The following ASTN2 variants were observed in gnomAD, a reference collection of about 807,000 sequenced individuals.
The protein encoded by ASTN2 is astrotactin 2, also known as astrotactin-2.
Under a neutral mutation model 139.8 loss-of-function variants are expected in ASTN2, and 54 were observed. That is an observed-to-expected ratio of 0.39 (90% CI 0.31 to 0.48). The LOEUF (loss-of-function observed/expected upper bound fraction) is 0.48, where lower values mean the gene tolerates loss of function less well. Among genes scored for constraint, ASTN2 ranks in the 20% least tolerant of loss-of-function variants. The probability of loss-of-function intolerance (pLI) is 0.95; values close to 1 mark genes in which losing one functional copy is unlikely to be tolerated. For synonymous variants in ASTN2, 756 were observed against 719.5 expected, an observed-to-expected ratio of 1.05 and a Z score of -0.81; for missense variants, 1,565 against 1,725.1, an observed-to-expected ratio of 0.91 and a Z score of 1.64.
intron 11 of ASTN2, among the ~76,000 whole-genome samples, chr9:116,833,763 G>T (rs1012335652): frequency 3.9e-5 from 6 of 152,020 alleles, no homozygotes; most frequent in Non-Finnish European, 8.8e-5. Flanking sequence ...GAAGATTTAT[G>T]TCCCCACAAA....
chr9:116,512,729 C>T (rs1295813968), intron 19 of ASTN2, among the ~76,000 whole-genome samples: 1 of 152,242 alleles, frequency 6.6e-6, no homozygotes, highest in South Asian at 2.1e-4. Context: ...GCTCTTCTTG[C>T]TGAATTGATC....
chr9:116,755,389 G>A (rs1829507615), intron 13 of ASTN2, among the ~76,000 whole-genome samples: 1 of 152,090 alleles, frequency 6.6e-6, no homozygotes, highest in African/African-American at 2.4e-5. Context: ...TCATTAAGAT[G>A]GGTCCTAATC....
At chr9:117,013,969 T>A (rs1403634309) in intron 6 of ASTN2, among the ~76,000 whole-genome samples, 1 of 152,170 alleles carries the variant, frequency 6.6e-6, no homozygotes, top group Non-Finnish European at 1.5e-5. Context: ...GATGTGTGGC[T>A]AAAAGATGGT....
intron 22 of ASTN2, among the ~76,000 whole-genome samples, chr9:116,439,947 A>G (rs954769966): frequency 5.3e-5 from 8 of 152,202 alleles, no homozygotes; most frequent in African/African-American, 1.9e-4. Flanking sequence ...CAGCCACCAC[A>G]TAAGAGGTGC....
chr9:116,816,726 G>A (rs1831339014), intron 12 of ASTN2, among the ~76,000 whole-genome samples: 1 of 151,888 alleles, frequency 6.6e-6, no homozygotes, highest in African/African-American at 2.4e-5. Flanking sequence ...GAGAGCCATG[G>A]GGCCTGTGCA....
rs762815981 is a variant in ASTN2, at chr9:116,698,986, A to C, written c.2806+26785T>G. On this transcript the variant is annotated intron_variant, in intron 16 of 22. Coordinates refer to ENST00000313400, the MANE Select transcript of ASTN2 (RefSeq NM_001365068.1). This position sits in a 1 kb window ranked among gnomAD's most constrained non-coding sequence, Gnocchi z 4.4. Reference sequence around the variant, plus strand: ...ATCCGCCGCAGCCCCAGTGGCATTGATAGCTTTGTGCTAAGCTTCCTTGGG... The same window carrying C: ...ATCCGCCGCAGCCCCAGTGGCATTGCTAGCTTTGTGCTAAGCTTCCTTGGG... The C allele has an allele frequency of 6.2e-7, 1 of 1,614,144 alleles. No individual in the cohort carries two copies. The highest frequency in any genetic ancestry group is 8.5e-7 in the Non-Finnish European group (1 of 1,180,014).
At chr9:116,458,448 G>T (rs889762015) in intron 20 of ASTN2, among the ~76,000 whole-genome samples, 2 of 151,576 alleles carry the variant, frequency 1.3e-5, no homozygotes, top group Non-Finnish European at 2.9e-5. Context: ...ATTACACATC[G>T]CATACTTGTA....
At chr9:117,049,950 A>G (rs1054216754) in intron 5 of ASTN2, among the ~76,000 whole-genome samples, 1 of 152,170 alleles carries the variant, frequency 6.6e-6, no homozygotes, top group Non-Finnish European at 1.5e-5. Context: ...AAGCTCTAGA[A>G]TGGCTCAGAA....
intron 3 of ASTN2, among the ~76,000 whole-genome samples, chr9:117,171,283 A>G (rs1030314712): frequency 6.6e-6 from 1 of 152,208 alleles, no homozygotes; most frequent in Non-Finnish European, 1.5e-5. Flanking sequence ...GTACAGGGTT[A>G]GTGTCATGTC....
intron 2 of ASTN2, among the ~76,000 whole-genome samples, chr9:117,224,046 A>G (rs887567707): frequency 6.6e-6 from 1 of 152,230 alleles, no homozygotes; most frequent in Non-Finnish European, 1.5e-5. Flanking sequence ...AGATCAGATT[A>G]GAACAGGGTC....
chr9:116,561,648 C>G (rs1852919186), intron 19 of ASTN2, among the ~76,000 whole-genome samples: 1 of 152,116 alleles, frequency 6.6e-6, no homozygotes, highest in African/African-American at 2.4e-5. Context: ...TCTAAAGGAG[C>G]CTGTTGGAGT....
intron 19 of ASTN2, among the ~76,000 whole-genome samples, chr9:116,614,403 C>T (rs541187488): frequency 8.5e-5 from 13 of 152,196 alleles, no homozygotes; most frequent in African/African-American, 2.6e-4. Context: ...AAAAAAGAGC[C>T]CACATTGCCA....
At chr9:116,686,805 T>C (rs1267902295) in intron 16 of ASTN2, 20 of 1,550,536 alleles carry the variant, frequency 1.3e-5, no homozygotes, top group Non-Finnish European at 1.5e-5. Flanking sequence ...AATGTGTTCA[T>C]GGATAAACTT....
rs1334551852 is a variant in ASTN2 at position 116,651,750 on chromosome 9, G to A, written c.2850C>T (p.Pro950=). 6.2e-7 allele frequency: 1 copy of A among 1,614,156 alleles called. No individual in the cohort carries two copies. The highest frequency in any genetic ancestry group is 2.2e-5 in the East Asian group (1 of 44,868). ...GCAAACCTGAGAGGTAGGTGATGAA[G>A]GGCATGGACTTGAGCTCCTTCTTGC... is the stretch of plus-strand genomic sequence containing the variant. ...LGSKKELKSM[P]FITYLSGLLT... is the part of the protein sequence containing the mutation. Residue 950 remains proline (P), a synonymous_variant, in exon 17 of 23, where the codon CCC becomes CCT. Transcript: ENST00000313400.
chr9:117,087,401 A>AT (rs931901210), intron 5 of ASTN2, among the ~76,000 whole-genome samples: 1 of 151,898 alleles, frequency 6.6e-6, no homozygotes, highest in Non-Finnish European at 1.5e-5. Context: ...CATCTGGCTA[A>AT]TTTTTTTGTA....
In ASTN2 at chr9:116,426,052, C is replaced by T; in HGVS notation, c.3819G>A (p.Val1273=). The T allele has an allele frequency of 6.2e-7, 1 of 1,613,818 alleles. No individual in the cohort carries two copies. The highest frequency in any genetic ancestry group is 8.5e-7 in the Non-Finnish European group (1 of 1,180,020). The part of the protein sequence containing the change: ...AHLILRRLER[V]SSHCSSLLRS... ...GCAGGAGGCTGGAGCAGTGGCTACT[C>T]ACCCTCTCCAGTCGCCGTAGAATCA... The change falls in exon 23 of 23, where the codon GTG becomes GTA. Residue 1273 remains valine (V), a synonymous_variant. Transcript: ENST00000313400.
intron 22 of ASTN2, 29 bp downstream of exon 22, chr9:116,440,580 C>T (rs1847810524): frequency 1.2e-6 from 2 of 1,605,220 alleles, no homozygotes; most frequent in Non-Finnish European, 1.7e-6. Context: ...AAAGAATATG[C>T]CCCTCCAATC....
intron 19 of ASTN2, among the ~76,000 whole-genome samples, chr9:116,600,971 AG>A (rs1854866957): frequency 6.6e-6 from 1 of 152,238 alleles, no homozygotes; most frequent in African/African-American, 2.4e-5. Context: ...ATTAAAAAAA[AG>A]ATAAATATAA....
At chr9:116,766,896 C>A (rs1346211377) in intron 13 of ASTN2, among the ~76,000 whole-genome samples, 1 of 151,906 alleles carries the variant, frequency 6.6e-6, no homozygotes, top group Non-Finnish European at 1.5e-5. Flanking sequence ...CTCACATACA[C>A]TTAAACACAC....
Sources: gnomAD v4.1 joint callset for allele counts (sites outside exome capture counted in the v4.1 genomes callset) on GRCh38, gnomAD v4.1.1 for gene constraint, Gnocchi (gnomAD v3.1) non-coding constraint, MANE v1.5 for transcripts, NCBI Gene and HGNC (gene_info 2026-07-23, HGNC 2026-07-21) for gene names.